Variants in ATG10 observed in about 807,000 individuals in gnomAD.
The protein encoded by ATG10 is autophagy related 10.
ATG10 carries 30 observed loss-of-function variants against 32.1 expected under a neutral mutation model. That is an observed-to-expected ratio of 0.94 (90% CI 0.70 to 1.27). The LOEUF (loss-of-function observed/expected upper bound fraction) is 1.27. Ranked by LOEUF, ATG10 falls within the 50% of genes most tolerant of loss-of-function variation. The pLI, the probability that ATG10 is intolerant of heterozygous loss-of-function variation, is 0.00. For missense variants in ATG10, 233 were observed against 262.3 expected, an observed-to-expected ratio of 0.89 and a Z score of 0.77; for synonymous variants, 87 against 91.5, an observed-to-expected ratio of 0.95 and a Z score of 0.28.
intron 3 of ATG10, among the ~76,000 whole-genome samples, chr5:82,139,852 C>G (rs1483587735): frequency 7.2e-6 from 1 of 138,322 alleles, no homozygotes; most frequent in Non-Finnish European, 1.6e-5. Flanking sequence ...GGGGGTCAGC[C>G]CCCCCACCCG....
intron 2 of ATG10, among the ~76,000 whole-genome samples, chr5:81,991,497 C>T (rs1392599015): frequency 2.0e-5 from 3 of 152,126 alleles, no homozygotes; most frequent in Admixed American, 2.0e-4. Flanking sequence ...CCAATGCCTC[C>T]CTCTGCCCCT....
At chr5:82,077,669 C>A (rs1441285800) in intron 3 of ATG10, among the ~76,000 whole-genome samples, 1 of 152,104 alleles carries the variant, frequency 6.6e-6, no homozygotes, top group East Asian at 1.9e-4. Context: ...CAGTGCTGAG[C>A]CTGAAAGCGC....
At chr5:82,219,196 A>G (rs1185838277) in intron 5 of ATG10, among the ~76,000 whole-genome samples, 1 of 152,236 alleles carries the variant, frequency 6.6e-6, no homozygotes, top group Non-Finnish European at 1.5e-5. Context: ...TCATAGTACC[A>G]TGTACACTGT....
At chr5:82,152,901 A>G (rs1246040401) in intron 3 of ATG10, among the ~76,000 whole-genome samples, 1 of 152,200 alleles carries the variant, frequency 6.6e-6, no homozygotes, top group Non-Finnish European at 1.5e-5. Context: ...GCAACAGACA[A>G]TTTATACTCA....
At chr5:82,233,416 A>G (rs537288094) in intron 5 of ATG10, among the ~76,000 whole-genome samples, 13 of 152,178 alleles carry the variant, frequency 8.5e-5, no homozygotes, top group Non-Finnish European at 1.3e-4. Context: ...CTGACTTCTG[A>G]TTATCCCAGG....
At chr5:82,190,825 G>A (rs989951803) in intron 5 of ATG10, among the ~76,000 whole-genome samples, 18 of 148,264 alleles carry the variant, frequency 1.2e-4, no homozygotes, top group African/African-American at 4.2e-4. Flanking sequence ...TCCATTGTAA[G>A]GTAAGGTCGT....
chr5:82,179,214 T>C (rs150384711), intron 5 of ATG10, among the ~76,000 whole-genome samples: 1,678 of 152,240 alleles, frequency 0.011, 17 homozygotes, highest in Middle Eastern at 0.031. Flanking sequence ...GTCTAAAAAT[T>C]GTTAAGCTGG....
At chr5:82,095,551 A>G (rs1325665998) in intron 3 of ATG10, among the ~76,000 whole-genome samples, 1 of 152,180 alleles carries the variant, frequency 6.6e-6, no homozygotes, top group Non-Finnish European at 1.5e-5. Context: ...AATTTCAATT[A>G]AGCTCAATTT....
At chr5:82,191,905 G>C (rs1435840505) in intron 5 of ATG10, among the ~76,000 whole-genome samples, 1 of 152,096 alleles carries the variant, frequency 6.6e-6, no homozygotes, top group African/African-American at 2.4e-5. Context: ...CTTCCAATCT[G>C]CCCTTCTTCT....
intron 5 of ATG10, among the ~76,000 whole-genome samples, chr5:82,237,951 G>A (rs896874988): frequency 1.3e-5 from 2 of 152,160 alleles, no homozygotes; most frequent in Admixed American, 6.5e-5. Flanking sequence ...GAAAGCATAC[G>A]ATTGAAGCCA....
intron 2 of ATG10, among the ~76,000 whole-genome samples, chr5:82,021,865 A>G (rs1762448662): frequency 6.6e-6 from 1 of 152,100 alleles, no homozygotes; most frequent in South Asian, 2.1e-4. Context: ...TCTATTAAAA[A>G]TATAAAAATT....
At chr5:82,150,916 A>G (rs923782207) in intron 3 of ATG10, among the ~76,000 whole-genome samples, 4 of 152,372 alleles carry the variant, frequency 2.6e-5, no homozygotes, top group Admixed American at 2.0e-4. Flanking sequence ...TGGTAAGTTC[A>G]TCAGGTGGCC....
At chr5:82,124,130 T>C (rs1478374789) in intron 3 of ATG10, among the ~76,000 whole-genome samples, 1 of 148,208 alleles carries the variant, frequency 6.7e-6, no homozygotes, top group Non-Finnish European at 1.5e-5. Flanking sequence ...TGGAGTGCAG[T>C]GGTGCGATCT....
chr5:82,029,550 C>T (rs2149714023), intron 2 of ATG10, among the ~76,000 whole-genome samples: 1 of 152,206 alleles, frequency 6.6e-6, no homozygotes, highest in East Asian at 1.9e-4. Context: ...GAATAAAAAA[C>T]AAGGACTGGG....
intron 2 of ATG10, among the ~76,000 whole-genome samples, chr5:82,026,655 GTTTA>G (rs1386090811): frequency 6.6e-6 from 1 of 151,994 alleles, no homozygotes; most frequent in Admixed American, 6.6e-5. Flanking sequence ...TTTCATAATG[GTTTA>G]TTATTTGTTT....
intron 3 of ATG10, among the ~76,000 whole-genome samples, chr5:82,079,728 G>T (rs909966843): frequency 6.6e-6 from 1 of 152,112 alleles, no homozygotes; most frequent in African/African-American, 2.4e-5. Context: ...GTAATCCATG[G>T]TGTATATGTG....
chr5:82,252,444 T>G, intron 5 of ATG10, 118 bp from the exon 6 acceptor site: 2 of 682,076 alleles, frequency 2.9e-6, no homozygotes, highest in South Asian at 3.6e-5. Context: ...ACCTGTATAT[T>G]AATTCAATAA....
intron 2 of ATG10, among the ~76,000 whole-genome samples, chr5:81,993,270 A>T (rs1761513515): frequency 6.7e-6 from 1 of 148,286 alleles, no homozygotes; most frequent in African/African-American, 2.5e-5. Flanking sequence ...GCATTCAAAG[A>T]GTTTAGCCTG....
intron 3 of ATG10, among the ~76,000 whole-genome samples, chr5:82,136,543 G>A (rs1184214201): frequency 6.6e-6 from 1 of 152,162 alleles, no homozygotes; most frequent in Non-Finnish European, 1.5e-5. Flanking sequence ...TAAGAATGTT[G>A]AATATTGGTC....
Sources: allele counts gnomAD v4.1 joint callset (sites outside exome capture counted in the v4.1 genomes callset), GRCh38; gene constraint gnomAD v4.1.1; transcripts MANE v1.5; gene names NCBI Gene and HGNC (gene_info 2026-07-23, HGNC 2026-07-21).